RTTN: variants seen among roughly 807,000 people sequenced by gnomAD.
The protein encoded by RTTN is rotatin.
Under a neutral mutation model 269.2 loss-of-function variants are expected in RTTN, and 182 were observed. That is an observed-to-expected ratio of 0.68 (90% CI 0.60 to 0.76). The LOEUF (loss-of-function observed/expected upper bound fraction) is 0.76, where lower values mean the gene tolerates loss of function less well. RTTN is among the 30% of genes least tolerant of loss of function. The probability of loss-of-function intolerance (pLI) is 0.00; values close to 1 mark genes in which losing one functional copy is unlikely to be tolerated. For synonymous variants in RTTN, 1,006 were observed against 963.5 expected (o/e 1.04, Z -0.82); for missense variants, 2,545 against 2,608.6 (o/e 0.98, Z 0.53).
At chr18:70,080,928 TCACACA>T (rs138851066) in intron 32 of RTTN, among the ~76,000 whole-genome samples, 5,831 of 146,818 alleles carry the variant, frequency 0.04, 174 homozygotes, top group African/African-American at 0.075. Flanking sequence ...GTGTGTGGTA[TCACACA>T]CACACACACA....
At chr18:70,176,190 T>C (rs5013425) in intron 11 of RTTN, among the ~76,000 whole-genome samples, 7 of 135,278 alleles carry the variant, frequency 5.2e-5, no homozygotes, top group South Asian at 2.5e-4. Flanking sequence ...TATACGTAGA[T>C]GTAGATGTAG....
chr18:70,075,278 C>A, intron 33 of RTTN, 74 bp downstream of exon 33: 2 of 1,081,052 alleles, frequency 1.9e-6, no homozygotes, highest in East Asian at 2.9e-5. Context: ...ATTTTTAAAA[C>A]AAATATATGT....
At chr18:70,187,068 T>C (rs1320588049) in intron 10 of RTTN, among the ~76,000 whole-genome samples, 1 of 152,188 alleles carries the variant, frequency 6.6e-6, no homozygotes, top group African/African-American at 2.4e-5. Context: ...CCTAGAGACA[T>C]ACCTGCACAT....
intron 46 of RTTN, among the ~76,000 whole-genome samples, chr18:70,015,553 T>C (rs1268693850): frequency 6.6e-6 from 1 of 152,146 alleles, no homozygotes; most frequent in African/African-American, 2.4e-5. Context: ...CATCCCTTTA[T>C]AGTTCCACAC....
At position 70,139,627 on chromosome 18, in the gene RTTN, C is replaced by T. The variant is rs759419001; in HGVS notation, c.2760G>A (p.Gln920=). 6.2e-6 allele frequency: 10 copies of T among 1,611,722 alleles called. No individual in the cohort carries two copies. Among genetic ancestry groups the T allele is most frequent in the East Asian group, 2.2e-5 (1 of 44,846 alleles). ...TGAATAACACGGTCAAAAGAGAAGA[C>T]TGTTGCGAGAGCGAAACACGCATGA... The part of the protein sequence containing the change: ...DPVMRVSLSQ[Q]SSLLTVLFRV... The change falls in exon 21 of 49, where the codon CAG becomes CAA. Residue 920 remains glutamine, a synonymous_variant. Transcript: ENST00000640769.
chr18:70,013,084 A>G (rs2056439027), intron 46 of RTTN, among the ~76,000 whole-genome samples: 1 of 152,130 alleles, frequency 6.6e-6, no homozygotes, highest in Non-Finnish European at 1.5e-5. Context: ...GCACTATCTG[A>G]TGCCCTTTGG....
At chr18:70,128,252 T>C (rs2059915504) in intron 24 of RTTN, 106 bp downstream of exon 24, 1 of 818,648 alleles carries the variant, frequency 1.2e-6, no homozygotes, top group Non-Finnish European at 1.9e-6. Flanking sequence ...CAGAATCAGA[T>C]GATACCAAGG....
chr18:70,126,562 T>C (rs569783465), intron 25 of RTTN, among the ~76,000 whole-genome samples: 1 of 152,274 alleles, frequency 6.6e-6, no homozygotes, highest in South Asian at 2.1e-4. Flanking sequence ...GTAGTGCATA[T>C]GTATGCATAA....
At chr18:70,135,124 A>T in intron 22 of RTTN, 60 bp downstream of exon 22, 2 of 941,668 alleles carry the variant, frequency 2.1e-6, no homozygotes, top group South Asian at 3.0e-5. Flanking sequence ...CTATAAGATT[A>T]CATCAGATAC....
chr18:70,188,379 CA>C (rs1048381181), intron 9 of RTTN, among the ~76,000 whole-genome samples, 156 bp from the exon 10 acceptor site: 1 of 152,196 alleles, frequency 6.6e-6, no homozygotes, highest in African/African-American at 2.4e-5. Context: ...TCACAATTTA[CA>C]ATCACACTGA....
rs142933502 is a variant in RTTN at position 70,096,912 on chromosome 18, A to C, written c.3904-4108T>G. Among the ~76,000 whole-genome samples, 725 of 152,344 alleles carry C rather than the reference A, an allele frequency of 4.8e-3. 4 individuals are homozygous for C. Among genetic ancestry groups the C allele is most frequent in the Middle Eastern group, 0.014 (4 of 294 alleles). On this transcript the variant is annotated intron_variant, in intron 28 of 48. Coordinates refer to ENST00000640769, the MANE Select transcript of RTTN (RefSeq NM_173630.4). ...TGTGCCCACAGCTGCCCCTTCCCCA[A>C]GGTCAAAAATTTAAAATTTTAAGTG...
At chr18:70,121,735 G>C (rs748406236) in intron 25 of RTTN, 35 bp from the exon 26 acceptor site, 1 of 1,507,274 alleles carries the variant, frequency 6.6e-7, no homozygotes, top group East Asian at 2.5e-5. Flanking sequence ...GGTTTCTGGC[G>C]CTTTAAAATA....
At position 70,197,616 on chromosome 18, in the gene RTTN, G is replaced by A. The variant is rs757025477; in HGVS notation, c.693+8C>T. 6.5e-7 allele frequency: 1 copy of A among 1,537,406 alleles called. No individual in the cohort carries two copies. Among genetic ancestry groups the A allele is most frequent in the Non-Finnish European group, 9.0e-7 (1 of 1,110,090 alleles). On this transcript the variant is annotated splice_region_variant and intron_variant, in intron 6 of 48. Transcript: ENST00000640769. ...TCAAAATCTAAAACAATTATAGAGG[G>A]CACTGACCTGAACAATTTTTGGCCT...
chr18:70,158,938 T>A (rs2060755702), intron 14 of RTTN, among the ~76,000 whole-genome samples: 1 of 152,148 alleles, frequency 6.6e-6, no homozygotes, highest in Non-Finnish European at 1.5e-5. Flanking sequence ...CACCCAGTCA[T>A]AAAACAAGTT....
rs1448973099 is a variant in RTTN, at chr18:70,044,102, AAG to A, written c.5541+3867_5541+3868del. Among the ~76,000 whole-genome samples, 8 of 152,242 alleles carry A rather than the reference AAG, an allele frequency of 5.3e-5. No individual in the cohort carries two copies. In the East Asian group the frequency reaches 1.5e-3, roughly 29 times the overall value. ...TAAGTGATGTAGGGTATTCTAGGTC[AAG>A]ACTTTCTTGCTTTCTTTCCAAAAGG... On this transcript the variant is annotated intron_variant, in intron 40 of 48. Transcript: ENST00000640769.
chr18:70,162,154 T>C (rs1441227686), intron 14 of RTTN, among the ~76,000 whole-genome samples: 1 of 152,142 alleles, frequency 6.6e-6, no homozygotes, highest in Non-Finnish European at 1.5e-5. Flanking sequence ...ATGGTACATA[T>C]ACATCATGGA....
At chr18:70,059,792 A>G in intron 36 of RTTN, 58 bp downstream of exon 36, 1 of 1,146,594 alleles carries the variant, frequency 8.7e-7, no homozygotes, top group Non-Finnish European at 1.2e-6. Context: ...AGTCATGAAT[A>G]CAGTTTGTGT....
At chr18:70,025,750 A>G (rs1418563770) in intron 43 of RTTN, among the ~76,000 whole-genome samples, 5 of 152,194 alleles carry the variant, frequency 3.3e-5, no homozygotes, top group African/African-American at 7.2e-5. Flanking sequence ...CTACTCTGCC[A>G]TTCTGTCCAC....
intron 10 of RTTN, among the ~76,000 whole-genome samples, chr18:70,181,587 T>G (rs1235489194): frequency 6.6e-6 from 1 of 152,232 alleles, no homozygotes; most frequent in Non-Finnish European, 1.5e-5. Flanking sequence ...TTGATGTTAC[T>G]GATATTAGTA....
Sources: allele counts gnomAD v4.1 joint callset (sites outside exome capture counted in the v4.1 genomes callset), GRCh38; gene constraint gnomAD v4.1.1; transcripts MANE v1.5; gene names NCBI Gene and HGNC (gene_info 2026-07-23, HGNC 2026-07-21).